Variants in MARCHF1 observed in about 807,000 individuals in gnomAD.
MARCHF1 encodes the protein membrane associated ring-CH-type finger 1.
MARCHF1 carries 40 observed loss-of-function variants against 54.2 expected under a neutral mutation model. That is an observed-to-expected ratio of 0.74 (90% CI 0.57 to 0.96). The LOEUF (loss-of-function observed/expected upper bound fraction) is 0.96. Ranked by LOEUF, MARCHF1 falls within the 40% of genes least tolerant of loss-of-function variation. The pLI is 0.00. For missense variants in MARCHF1, 586 were observed against 656.5 expected (o/e 0.89, Z 1.17); for synonymous variants, 236 against 236.3 (o/e 1.00, Z 0.01).
Position 163,524,743 on chromosome 4 carries a change from T to C in MARCHF1, c.*4005A>G, listed in dbSNP as rs546503225. 8.2e-4 allele frequency: 125 copies of C among 152,362 alleles called. 1 individual carries two copies. Among genetic ancestry groups the C allele is most frequent in the African/African-American group, 3.0e-3 (123 of 41,584 alleles). The allele number at this position is 152,362 out of a possible 1,614,324, so 9.4% of individuals were successfully genotyped here. A position where few individuals can be genotyped will look rare whatever the true frequency, so the allele number is the denominator to read the frequency against. ...TAAGGTTTGCGTCACTTGTTTAATA[T>C]ACAAAGTCTTTCACAGATAATTATT... On this transcript the variant is annotated 3_prime_UTR_variant, in exon 10 of 10. Coordinates refer to ENST00000514618, the MANE Select transcript of MARCHF1 (RefSeq NM_001394959.1).
intron 1 of MARCHF1, among the ~76,000 whole-genome samples, chr4:164,253,598 T>G (rs1198381297): frequency 6.6e-6 from 1 of 152,162 alleles, no homozygotes; most frequent in African/African-American, 2.4e-5. Context: ...TGATTGAAGC[T>G]AAGCTTTGTG....
intron 4 of MARCHF1, among the ~76,000 whole-genome samples, chr4:163,769,991 T>C (rs917376924): frequency 6.6e-6 from 1 of 152,194 alleles, no homozygotes; most frequent in African/African-American, 2.4e-5. Flanking sequence ...ACAATGAGAA[T>C]AAAGACCTTT....
At chr4:163,747,315 G>A (rs1746391642) in intron 4 of MARCHF1, among the ~76,000 whole-genome samples, 2 of 152,202 alleles carry the variant, frequency 1.3e-5, no homozygotes, top group South Asian at 2.1e-4. Context: ...ATCCCAAGCT[G>A]TAGTGACCCG....
intron 4 of MARCHF1, among the ~76,000 whole-genome samples, chr4:163,733,211 ATATATATATACACGTG>A (rs1483380033): frequency 6.4e-4 from 27 of 42,158 alleles, no homozygotes; most frequent in East Asian, 2.0e-3. Flanking sequence ...ATATATATAT[ATATATATATACACGTG>A]TATATATATA....
chr4:163,631,413 G>C (rs1742076632), intron 5 of MARCHF1, among the ~76,000 whole-genome samples: 1 of 152,098 alleles, frequency 6.6e-6, no homozygotes, highest in Non-Finnish European at 1.5e-5. Context: ...GGCTGGTCTT[G>C]AATTCCTGAC....
At chr4:164,257,101 T>A (rs927179948) in intron 1 of MARCHF1, among the ~76,000 whole-genome samples, 1 of 152,118 alleles carries the variant, frequency 6.6e-6, no homozygotes, top group Admixed American at 6.6e-5. Context: ...ATAAATAAAC[T>A]GTTCATCACA....
At position 163,524,990 on chromosome 4, in the gene MARCHF1, T is replaced by A. The variant is rs1738046953; in HGVS notation, c.*3758A>T. 6.6e-6 allele frequency: 1 copy of A among 152,148 alleles called. No homozygotes were observed. Among genetic ancestry groups the A allele is most frequent in the South Asian group, 2.1e-4 (1 of 4,828 alleles). The allele number at this position is 152,148 out of a possible 1,614,324, so 9.4% of individuals were successfully genotyped here. A position where few individuals can be genotyped will look rare whatever the true frequency, so the allele number is the denominator to read the frequency against. On this transcript the variant is annotated 3_prime_UTR_variant, in exon 10 of 10. Transcript: ENST00000514618. ...CAGCCCAAAATAACAGTACTTCCTT[T>A]CAACTGTGTTGATATGTAAAATAGC... is the stretch of plus-strand genomic sequence containing the variant.
intron 1 of MARCHF1, among the ~76,000 whole-genome samples, chr4:164,358,985 A>G (rs1007137264): frequency 1.3e-5 from 2 of 152,188 alleles, no homozygotes; most frequent in South Asian, 2.1e-4. Context: ...ATAATACATT[A>G]TATCAATCCA....
intron 1 of MARCHF1, among the ~76,000 whole-genome samples, chr4:164,354,134 C>T (rs1407455166): frequency 9.3e-5 from 9 of 96,424 alleles, no homozygotes; most frequent in African/African-American, 3.3e-4. Context: ...GTTTACCAAC[C>T]AAAAAGAGTC....
chr4:163,831,398 A>C (rs1749020279), intron 4 of MARCHF1, among the ~76,000 whole-genome samples: 1 of 152,168 alleles, frequency 6.6e-6, no homozygotes, highest in Admixed American at 6.6e-5. Flanking sequence ...AGCCTGGGCA[A>C]CATAGTGAGA....
intron 5 of MARCHF1, among the ~76,000 whole-genome samples, chr4:163,659,899 A>C (rs1743285471): frequency 6.6e-6 from 1 of 152,106 alleles, no homozygotes; most frequent in Non-Finnish European, 1.5e-5. Context: ...GTTGGGAAAC[A>C]ACAACAGCTG....
chr4:164,269,754 T>A (rs1318642004), intron 1 of MARCHF1, among the ~76,000 whole-genome samples: 1 of 152,070 alleles, frequency 6.6e-6, no homozygotes, highest in Non-Finnish European at 1.5e-5. Flanking sequence ...GGTTTTTGTG[T>A]TTAGTTTTTC....
intron 3 of MARCHF1, among the ~76,000 whole-genome samples, chr4:163,944,262 G>A (rs907212568): frequency 2.0e-5 from 3 of 151,866 alleles, no homozygotes; most frequent in African/African-American, 4.8e-5. Context: ...GATTACAGGC[G>A]TGAGCCACCG....
chr4:163,625,739 T>G (rs542192442), intron 5 of MARCHF1, among the ~76,000 whole-genome samples: 4 of 152,324 alleles, frequency 2.6e-5, no homozygotes, highest in African/African-American at 9.6e-5. Context: ...CAAACGGAAG[T>G]TGTATCTTCT....
intron 2 of MARCHF1, among the ~76,000 whole-genome samples, chr4:164,013,547 A>T (rs1279557466): frequency 1.3e-5 from 2 of 152,176 alleles, no homozygotes; most frequent in Non-Finnish European, 2.9e-5. Flanking sequence ...AGATTTTAAA[A>T]ATCCAATAAA....
intron 5 of MARCHF1, among the ~76,000 whole-genome samples, chr4:163,679,535 C>T (rs1744028574): frequency 6.6e-6 from 1 of 152,148 alleles, no homozygotes; most frequent in Non-Finnish European, 1.5e-5. Context: ...GCAGGGGTCC[C>T]TGACCTCTGA....
At chr4:164,004,527 A>G (rs1428398944) in intron 2 of MARCHF1, among the ~76,000 whole-genome samples, 1 of 152,032 alleles carries the variant, frequency 6.6e-6, no homozygotes, top group Non-Finnish European at 1.5e-5. Context: ...CCACCCAATG[A>G]CTGCAGAATA....
intron 1 of MARCHF1, among the ~76,000 whole-genome samples, chr4:164,141,658 G>C (rs1171104120): frequency 6.6e-6 from 1 of 152,164 alleles, no homozygotes; most frequent in Non-Finnish European, 1.5e-5. Context: ...ATGGCAACTT[G>C]GTAAAAGTAC....
chr4:163,791,652 G>A (rs1747776905), intron 4 of MARCHF1, among the ~76,000 whole-genome samples: 1 of 152,112 alleles, frequency 6.6e-6, no homozygotes, highest in Admixed American at 6.6e-5. Context: ...TATTCACCCA[G>A]ACATTGCTCC....
Sources: gnomAD v4.1 joint callset for allele counts (sites outside exome capture counted in the v4.1 genomes callset) on GRCh38, gnomAD v4.1.1 for gene constraint, MANE v1.5 for transcripts, NCBI Gene and HGNC (gene_info 2026-07-23, HGNC 2026-07-21) for gene names.